The following ERG variants were observed in gnomAD, a reference collection of about 807,000 sequenced individuals.
ERG encodes ETS transcription factor ERG, also known as transcriptional regulator ERG.
A neutral mutation model predicts 55.3 loss-of-function variants in ERG; 9 were observed. That is an observed-to-expected ratio of 0.16 (90% CI 0.10 to 0.28). The LOEUF is 0.28. Among genes scored for constraint, ERG ranks in the 10% least tolerant of loss-of-function variants. The pLI is 1.00. For synonymous variants in ERG, 223 were observed against 237.3 expected (o/e 0.94, Z 0.55); for missense variants, 434 against 631.6 (o/e 0.69, Z 3.35).
intron 2 of ERG, among the ~76,000 whole-genome samples, chr21:38,528,536 C>T (rs2059648324): frequency 2.4e-5 from 1 of 40,980 alleles, no homozygotes; most frequent in African/African-American, 6.7e-5. Flanking sequence ...CAAGCTCCGC[C>T]TCCCGGGTTC....
At chr21:38,634,521 C>CA (rs1335471273) in intron 1 of ERG, among the ~76,000 whole-genome samples, 2 of 151,968 alleles carry the variant, frequency 1.3e-5, no homozygotes, top group African/African-American at 2.4e-5. Flanking sequence ...AGATAACAAT[C>CA]AACCTCTCCT....
chr21:38,551,050 T>G (rs1281522366), intron 2 of ERG, among the ~76,000 whole-genome samples: 2 of 152,226 alleles, frequency 1.3e-5, no homozygotes, highest in African/African-American at 2.4e-5. Flanking sequence ...AAATAACTAT[T>G]TCTTTCCTGG....
intron 2 of ERG, among the ~76,000 whole-genome samples, chr21:38,424,187 GCTCT>G (rs1227355474): frequency 9.1e-5 from 10 of 110,152 alleles, no homozygotes; most frequent in Non-Finnish European, 1.8e-4. Flanking sequence ...CAGAGCTCGA[GCTCT>G]CTCTCTCTCT....
chr21:38,562,854 T>C (rs558979751), intron 2 of ERG, among the ~76,000 whole-genome samples: 2 of 152,288 alleles, frequency 1.3e-5, no homozygotes, highest in South Asian at 4.1e-4. Context: ...AATAGATCCA[T>C]GAGCATATAA....
At chr21:38,613,672 G>A (rs116964606) in intron 1 of ERG, among the ~76,000 whole-genome samples, 2 of 152,298 alleles carry the variant, frequency 1.3e-5, no homozygotes, top group East Asian at 3.9e-4. Context: ...CAACACCACT[G>A]ACAGTGGACA....
Position 38,543,844 on chromosome 21 carries a change from C to T in ERG, c.-41+31818G>A, listed in dbSNP as rs145833628. Reference sequence around the variant, plus strand: ...CTCCACCTCCTGGTTTCAAGCAGTTCTCCTGCCTCAGCCTCCCAAGTAGCT... The same window carrying T: ...CTCCACCTCCTGGTTTCAAGCAGTTTTCCTGCCTCAGCCTCCCAAGTAGCT... On this transcript the variant is annotated intron_variant, in intron 2 of 8. Coordinates refer to the ERG transcript ENST00000398897. Among the ~76,000 whole-genome samples, 14 of 149,946 alleles carry T rather than the reference C, an allele frequency of 9.3e-5. No individual in the cohort carries two copies. In the East Asian group the frequency reaches 2.8e-3, roughly 30 times the overall value.
chr21:38,483,132 A>G (rs928550123), intron 1 of ERG, among the ~76,000 whole-genome samples: 5 of 152,328 alleles, frequency 3.3e-5, no homozygotes, highest in African/African-American at 4.8e-5. Flanking sequence ...CAAAGACTCA[A>G]TGGGGAAATG....
chr21:38,596,343 C>T (rs962968801), intron 1 of ERG, among the ~76,000 whole-genome samples: 1 of 152,144 alleles, frequency 6.6e-6, no homozygotes, highest in African/African-American at 2.4e-5. Flanking sequence ...AATTCAAACT[C>T]GGAATTCAAA....
chr21:38,444,907 T>C (rs971705656), intron 2 of ERG, among the ~76,000 whole-genome samples: 2 of 152,102 alleles, frequency 1.3e-5, no homozygotes, highest in African/African-American at 4.8e-5. Context: ...GACGGCATTA[T>C]TTTCCAGGCA....
chr21:38,461,830 G>A (rs1354836107), intron 1 of ERG, among the ~76,000 whole-genome samples: 2 of 152,160 alleles, frequency 1.3e-5, no homozygotes, highest in Admixed American at 1.3e-4. Flanking sequence ...TTGAGATGAA[G>A]TTTCACTCTT....
At chr21:38,372,751 G>A in the ERG span, among the ~76,000 whole-genome samples, 1 of 151,388 alleles carries the variant, frequency 6.6e-6, no homozygotes, top group African/African-American at 2.4e-5. Context: ...TCATGTGTAA[G>A]AATTTGTATT....
intron 2 of ERG, among the ~76,000 whole-genome samples, chr21:38,429,538 T>C (rs1339809963): frequency 1.3e-5 from 1 of 75,656 alleles, no homozygotes; most frequent in Non-Finnish European, 3.2e-5. Flanking sequence ...CATGTACATA[T>C]ATACATATGT....
At chr21:38,549,075 C>G (rs1032460653) in intron 2 of ERG, among the ~76,000 whole-genome samples, 1 of 151,628 alleles carries the variant, frequency 6.6e-6, no homozygotes, top group East Asian at 2.0e-4. Flanking sequence ...ATCGCACCAC[C>G]GCACTCCAGC....
At chr21:38,390,066 T>C (rs914250072) in intron 9 of ERG, among the ~76,000 whole-genome samples, 2 of 152,246 alleles carry the variant, frequency 1.3e-5, no homozygotes, top group Non-Finnish European at 2.9e-5. Flanking sequence ...TGTAACATCT[T>C]GGCATTTGAA....
intron 2 of ERG, among the ~76,000 whole-genome samples, chr21:38,516,172 T>C (rs1277171664): frequency 6.6e-6 from 1 of 151,936 alleles, no homozygotes; most frequent in Non-Finnish European, 1.5e-5. Flanking sequence ...TCATCCAAAC[T>C]GGAAAAGAAG....
At chr21:38,463,656 A>C (rs1209828833) in intron 1 of ERG, among the ~76,000 whole-genome samples, 1 of 152,216 alleles carries the variant, frequency 6.6e-6, no homozygotes, top group African/African-American at 2.4e-5. Flanking sequence ...TGGGTAAATC[A>C]AAATGGTGGG....
intron 2 of ERG, among the ~76,000 whole-genome samples, chr21:38,545,861 A>C (rs2059784865): frequency 6.6e-6 from 1 of 152,158 alleles, no homozygotes; most frequent in Non-Finnish European, 1.5e-5. Flanking sequence ...CATTAACTCC[A>C]ACTCATTTCC....
At chr21:38,610,055 G>A (rs1290068781) in intron 1 of ERG, among the ~76,000 whole-genome samples, 1 of 152,214 alleles carries the variant, frequency 6.6e-6, no homozygotes, top group Non-Finnish European at 1.5e-5. Flanking sequence ...CCTTTAGAGT[G>A]GCGAGAGATG....
chr21:38,521,874 T>C (rs779977027), intron 2 of ERG, among the ~76,000 whole-genome samples: 9 of 152,216 alleles, frequency 5.9e-5, no homozygotes, highest in Non-Finnish European at 1.3e-4. Flanking sequence ...TCAGACACTC[T>C]TAGTTGTGAA....
Sources: gnomAD v4.1 joint callset for allele counts (sites outside exome capture counted in the v4.1 genomes callset) on GRCh38, gnomAD v4.1.1 for gene constraint, MANE v1.5 for transcripts, NCBI Gene and HGNC (gene_info 2026-07-23, HGNC 2026-07-21) for gene names.